The following CCSER1 variants were observed in gnomAD, a reference collection of about 807,000 sequenced individuals.
The protein encoded by CCSER1 is serine-rich coiled-coil domain-containing protein 1.
In CCSER1, 41 loss-of-function variants were observed where a neutral mutation model predicts 82.0. The ratio of observed to expected loss-of-function variants is 0.50; its 90% CI spans 0.39 to 0.65. CCSER1 has a LOEUF of 0.65. Among genes scored for constraint, CCSER1 ranks in the 30% least tolerant of loss-of-function variants. The pLI, the probability that CCSER1 is intolerant of heterozygous loss-of-function variation, is 0.00. For missense variants in CCSER1, 1,119 were observed against 1,064.2 expected (o/e 1.05, Z -0.72); for synonymous variants, 414 against 383.9 (o/e 1.08, Z -0.92).
chr4:90,752,986 A>G (rs558083429), intron 7 of CCSER1, among the ~76,000 whole-genome samples: 42 of 152,116 alleles, frequency 2.8e-4, no homozygotes, highest in Middle Eastern at 3.2e-3. Context: ...AATGAAAAAT[A>G]ATTTTTTCCT....
intron 10 of CCSER1, among the ~76,000 whole-genome samples, chr4:91,103,938 T>C (rs1300133576): frequency 6.6e-6 from 1 of 152,114 alleles, no homozygotes; most frequent in Non-Finnish European, 1.5e-5. Flanking sequence ...TAAATTCTTT[T>C]CCTAGCAAGG....
chr4:90,546,669 A>G (rs528832167), intron 5 of CCSER1, among the ~76,000 whole-genome samples: 1 of 152,132 alleles, frequency 6.6e-6, no homozygotes, highest in Non-Finnish European at 1.5e-5. Flanking sequence ...AATAAAAAAA[A>G]TTTCCTATAA....
intron 10 of CCSER1, among the ~76,000 whole-genome samples, chr4:91,381,928 A>G (rs1333895370): frequency 1.3e-5 from 2 of 152,098 alleles, no homozygotes; most frequent in African/African-American, 2.4e-5. Flanking sequence ...TTTGGTGTAG[A>G]TGTCCTTTCT....
At chr4:90,344,490 C>T (rs536334069) in intron 3 of CCSER1, among the ~76,000 whole-genome samples, 82 of 151,848 alleles carry the variant, frequency 5.4e-4, no homozygotes, top group African/African-American at 1.9e-3. Flanking sequence ...AGATACTTCT[C>T]GCCTTACAAT....
At chr4:90,370,867 T>C (rs1747279146) in intron 3 of CCSER1, among the ~76,000 whole-genome samples, 2 of 152,076 alleles carry the variant, frequency 1.3e-5, no homozygotes, top group African/African-American at 4.8e-5. Flanking sequence ...GTATTTAAAG[T>C]TACAGAAGGT....
At chr4:90,644,808 G>A (rs1230104051) in intron 6 of CCSER1, among the ~76,000 whole-genome samples, 1 of 151,932 alleles carries the variant, frequency 6.6e-6, no homozygotes, top group Non-Finnish European at 1.5e-5. Context: ...TTGGCCAGGT[G>A]CGGTGGCTCA....
At chr4:90,770,357 C>A (rs1251769989) in intron 7 of CCSER1, among the ~76,000 whole-genome samples, 1 of 152,022 alleles carries the variant, frequency 6.6e-6, no homozygotes, top group African/African-American at 2.4e-5. Context: ...ATGTTTGCTA[C>A]CAAATATTAT....
At chr4:90,594,280 A>G (rs996053832) in intron 5 of CCSER1, among the ~76,000 whole-genome samples, 3 of 152,154 alleles carry the variant, frequency 2.0e-5, no homozygotes, top group African/African-American at 4.8e-5. Flanking sequence ...GTGTTCTCTC[A>G]GGTTCTCAAG....
At chr4:91,407,282 G>C (rs1752756563) in intron 10 of CCSER1, among the ~76,000 whole-genome samples, 2 of 152,146 alleles carry the variant, frequency 1.3e-5, no homozygotes, top group Non-Finnish European at 2.9e-5. Context: ...GTGAAAGCAA[G>C]TCTACAAAAA....
intron 3 of CCSER1, among the ~76,000 whole-genome samples, chr4:90,371,716 C>T (rs978995607): frequency 6.6e-6 from 1 of 152,036 alleles, no homozygotes; most frequent in Admixed American, 6.6e-5. Flanking sequence ...GTTAATAGCA[C>T]CATAAACTAA....
chr4:90,576,490 C>G (rs1261581391), intron 5 of CCSER1, among the ~76,000 whole-genome samples: 1 of 152,114 alleles, frequency 6.6e-6, no homozygotes, highest in African/African-American at 2.4e-5. Context: ...AGTAATTTCA[C>G]TTCAACTATG....
chr4:90,528,782 G>T (rs1479726708), intron 5 of CCSER1, among the ~76,000 whole-genome samples: 1 of 152,046 alleles, frequency 6.6e-6, no homozygotes, highest in Non-Finnish European at 1.5e-5. Flanking sequence ...ATTCCCAATG[G>T]GTTGTAGAGA....
intron 1 of CCSER1, among the ~76,000 whole-genome samples, chr4:90,211,850 C>T (rs1051557678): frequency 6.6e-6 from 1 of 152,020 alleles, no homozygotes; most frequent in Non-Finnish European, 1.5e-5. Flanking sequence ...GATTCTTGAG[C>T]ACATCTGTAG....
intron 1 of CCSER1, among the ~76,000 whole-genome samples, chr4:90,251,661 G>T (rs571064365): frequency 1.5e-4 from 23 of 151,802 alleles, no homozygotes; most frequent in African/African-American, 5.3e-4. Flanking sequence ...AATAATAAAA[G>T]ACATTGTTCT....
chr4:91,451,679 C>T (rs533005872), intron 10 of CCSER1, among the ~76,000 whole-genome samples: 1 of 151,938 alleles, frequency 6.6e-6, no homozygotes, highest in African/African-American at 2.4e-5. Context: ...ATGTAACATA[C>T]AATATGCACC....
intron 5 of CCSER1, among the ~76,000 whole-genome samples, chr4:90,613,561 A>T (rs1720648209): frequency 6.6e-6 from 1 of 152,102 alleles, no homozygotes; most frequent in East Asian, 1.9e-4. Context: ...GGGAACCATA[A>T]TCTAGGGATT....
chr4:90,626,640 G>A (rs185782001), intron 5 of CCSER1, among the ~76,000 whole-genome samples: 3 of 152,276 alleles, frequency 2.0e-5, no homozygotes, highest in Admixed American at 1.3e-4. Flanking sequence ...TTAGAGCTAA[G>A]TATGTATTGC....
chr4:90,741,404 C>G (rs1004902703), intron 7 of CCSER1, among the ~76,000 whole-genome samples: 1 of 152,092 alleles, frequency 6.6e-6, no homozygotes, highest in Non-Finnish European at 1.5e-5. Flanking sequence ...ACCTGTTGCT[C>G]TCAATAATTT....
At chr4:91,466,012 C>G (rs906445025) in intron 10 of CCSER1, among the ~76,000 whole-genome samples, 2 of 152,170 alleles carry the variant, frequency 1.3e-5, no homozygotes, top group African/African-American at 4.8e-5. Context: ...ATGAGGCCAG[C>G]ATCATCCTGA....
Sources: allele counts gnomAD v4.1 joint callset (sites outside exome capture counted in the v4.1 genomes callset), GRCh38; gene constraint gnomAD v4.1.1; transcripts MANE v1.5; gene names NCBI Gene and HGNC (gene_info 2026-07-23, HGNC 2026-07-21).